OCA2: variants seen among roughly 807,000 people sequenced by gnomAD.
OCA2 encodes P protein.
A neutral mutation model predicts 100.2 loss-of-function variants in OCA2; 77 were observed. The observed-to-expected ratio is 0.77, with a 90% CI of 0.64 to 0.93. OCA2 has a LOEUF of 0.93. OCA2 is among the 40% of genes least tolerant of loss of function. The probability of loss-of-function intolerance (pLI) is 0.00; values close to 1 mark genes in which losing one functional copy is unlikely to be tolerated. For missense variants in OCA2, 1,062 were observed against 1,089.1 expected (o/e 0.98, Z 0.35); for synonymous variants, 432 against 439.2 (o/e 0.98, Z 0.21).
intron 18 of OCA2, among the ~76,000 whole-genome samples, chr15:27,931,129 C>T (rs17674689): frequency 0.19 from 29,297 of 151,798 alleles, 4,094 homozygotes; most frequent in East Asian, 0.61. Context: ...TGGATCAGGC[C>T]GGCTTGCAAC....
At chr15:27,898,033 G>C (rs190557452) in intron 19 of OCA2, among the ~76,000 whole-genome samples, 1 of 152,286 alleles carries the variant, frequency 6.6e-6, no homozygotes, top group Non-Finnish European at 1.5e-5. Flanking sequence ...CATTTGGAAT[G>C]GCTGTATTTA....
At chr15:27,725,542 T>C in the OCA2 span, among the ~76,000 whole-genome samples, 3 of 152,200 alleles carry the variant, frequency 2.0e-5, no homozygotes, top group Admixed American at 6.5e-5. Context: ...CACTCCAGCC[T>C]GGGCAACAAG....
rs1415641437 is a variant in OCA2 at position 28,043,230 on chromosome 15, G to T, written c.228-11067C>A. Among the ~76,000 whole-genome samples, 1 of 152,146 alleles carries T rather than the reference G, an allele frequency of 6.6e-6. No individual in the cohort carries two copies. The highest frequency in any genetic ancestry group is 1.5e-5 in the Non-Finnish European group (1 of 68,026). On this transcript the variant is annotated intron_variant, in intron 2 of 23. Coordinates refer to ENST00000354638, the MANE Select transcript of OCA2 (RefSeq NM_000275.3). This position sits in a 1 kb window ranked among gnomAD's most constrained non-coding sequence, Gnocchi z 4.4. ...TAATTTCAATTGTCCTTTCCCCTAA[G>T]GAAAGTAGTTTAAACAGCAAGTAGG...
chr15:27,847,298 G>A (rs974718070), intron 22 of OCA2, among the ~76,000 whole-genome samples: 1 of 152,198 alleles, frequency 6.6e-6, no homozygotes, highest in Non-Finnish European at 1.5e-5. Context: ...CGGGGAGCTG[G>A]TGCTAGGCCT....
chr15:27,891,510 TA>T (rs1198033896), intron 19 of OCA2, among the ~76,000 whole-genome samples: 1 of 152,170 alleles, frequency 6.6e-6, no homozygotes, highest in African/African-American at 2.4e-5. Flanking sequence ...GTCCCTTATT[TA>T]AAGGGGCATA....
At chr15:28,027,200 G>A (rs987536559) in intron 4 of OCA2, among the ~76,000 whole-genome samples, 10 of 152,144 alleles carry the variant, frequency 6.6e-5, no homozygotes, top group African/African-American at 2.4e-4. Flanking sequence ...GGCCTCCCAC[G>A]CATGCGCGCC....
At chr15:28,053,123 G>A (rs192696739) in intron 2 of OCA2, among the ~76,000 whole-genome samples, 8 of 152,324 alleles carry the variant, frequency 5.3e-5, no homozygotes, top group Non-Finnish European at 8.8e-5. Context: ...CCTCAGTTGC[G>A]TGTGTATGTA....
At chr15:27,726,732 C>A in the OCA2 span, among the ~76,000 whole-genome samples, 7 of 152,108 alleles carry the variant, frequency 4.6e-5, no homozygotes, top group Admixed American at 6.6e-5. Flanking sequence ...TGCACATGTA[C>A]CCTAGAACTT....
At chr15:27,742,150 C>T in the OCA2 span, among the ~76,000 whole-genome samples, 4 of 152,170 alleles carry the variant, frequency 2.6e-5, no homozygotes, top group Non-Finnish European at 5.9e-5. Flanking sequence ...AGCACCATGC[C>T]AGGTCCAGGG....
intron 2 of OCA2, among the ~76,000 whole-genome samples, chr15:28,068,963 T>C (rs1012909185): frequency 1.3e-5 from 2 of 152,190 alleles, no homozygotes; most frequent in African/African-American, 2.4e-5. Flanking sequence ...GAGCCATCTA[T>C]GACAAACCTA....
intron 10 of OCA2, 129 bp from the exon 11 acceptor site, chr15:27,989,795 C>G (rs2041489099): frequency 1.3e-6 from 1 of 788,766 alleles, no homozygotes; most frequent in Non-Finnish European, 2.2e-6. Context: ...TCACCATCCA[C>G]TTGCCTTTGA....
At chr15:28,051,855 C>T (rs1295742242) in intron 2 of OCA2, among the ~76,000 whole-genome samples, 1 of 151,932 alleles carries the variant, frequency 6.6e-6, no homozygotes, top group Non-Finnish European at 1.5e-5. Flanking sequence ...ATAGATATGC[C>T]CCATGTTATC....
chr15:27,851,981 G>A (rs1286621964), intron 21 of OCA2, among the ~76,000 whole-genome samples: 1 of 152,120 alleles, frequency 6.6e-6, no homozygotes, highest in Non-Finnish European at 1.5e-5. Context: ...TGCATGCTGG[G>A]TCCCCTGTGC....
chr15:27,931,870 T>C (rs2039263789), intron 18 of OCA2, among the ~76,000 whole-genome samples: 1 of 152,208 alleles, frequency 6.6e-6, no homozygotes, highest in African/African-American at 2.4e-5. Context: ...GCAAGACCAC[T>C]GTCTCACAAT....
At chr15:27,740,912 T>G in the OCA2 span, among the ~76,000 whole-genome samples, 82 of 152,280 alleles carry the variant, frequency 5.4e-4, no homozygotes, top group African/African-American at 1.7e-3. Flanking sequence ...TCCTCATCCA[T>G]CCCACCTAAC....
At chr15:27,994,029 T>G (rs1464593284) in intron 9 of OCA2, among the ~76,000 whole-genome samples, 2 of 152,150 alleles carry the variant, frequency 1.3e-5, no homozygotes, top group African/African-American at 4.8e-5. Context: ...TTCTGGTAAA[T>G]GGACCTAAAG....
intron 1 of OCA2, among the ~76,000 whole-genome samples, chr15:28,095,334 G>A (rs899248958): frequency 3.9e-5 from 6 of 152,206 alleles, no homozygotes; most frequent in Non-Finnish European, 7.4e-5. Flanking sequence ...CCCCGCCCCT[G>A]TGAAACGACA....
intron 19 of OCA2, among the ~76,000 whole-genome samples, chr15:27,920,408 A>C (rs2038815898): frequency 1.3e-5 from 2 of 152,204 alleles, no homozygotes; most frequent in South Asian, 4.1e-4. Context: ...TTTCATATAA[A>C]TGAAATCAAT....
chr15:28,014,518 C>T lies in OCA2; in HGVS notation c.1044+258G>A, dbSNP rs531941326. Among the ~76,000 whole-genome samples the T allele has an allele frequency of 1.1e-4, 16 of 152,310 alleles. No individual in the cohort carries two copies. In the South Asian group the frequency reaches 3.3e-3, roughly 32 times the overall value. On this transcript the variant is annotated intron_variant, in intron 9 of 23. Transcript: ENST00000354638. ...GAGCAGCGGAGAGAGAGTAGAAAATCGTATGCACATTCTGTTTTCTCAGGT... is the reference window on the plus strand; with the variant it reads ...GAGCAGCGGAGAGAGAGTAGAAAATTGTATGCACATTCTGTTTTCTCAGGT...
Sources: allele counts gnomAD v4.1 joint callset (sites outside exome capture counted in the v4.1 genomes callset), GRCh38; gene constraint gnomAD v4.1.1; non-coding constraint Gnocchi (gnomAD v3.1); transcripts MANE v1.5; gene names NCBI Gene and HGNC (gene_info 2026-07-23, HGNC 2026-07-21).